The following POLR1C variants were observed in gnomAD, a reference collection of about 807,000 sequenced individuals.
POLR1C encodes the protein RNA polymerase I and III subunit C, also known as DNA-directed RNA polymerases I and III subunit RPAC1.
A neutral mutation model predicts 38.3 loss-of-function variants in POLR1C; 42 were observed. The ratio of observed to expected loss-of-function variants is 1.10; its 90% confidence interval spans 0.86 to 1.42. The LOEUF (loss-of-function observed/expected upper bound fraction) is 1.42, where lower values mean the gene tolerates loss of function less well. POLR1C is among the 40% of genes most tolerant of loss of function. The pLI is 0.00. For synonymous variants in POLR1C, 163 were observed against 163.9 expected, an observed-to-expected ratio of 0.99 and a Z score of 0.04; for missense variants, 507 against 450.5, an observed-to-expected ratio of 1.13 and a Z score of -1.14.
At position 43,520,078 on chromosome 6, in the gene POLR1C, G is replaced by A. The variant is rs201320592; in HGVS notation, c.395G>A (p.Gly132Asp). Residue 132 changes from glycine to aspartate, a missense_variant, in exon 5 of 9, where the codon GGC becomes GAC. Transcript: ENST00000642195. ...FEYRNQGDEE[G>D]TEIDTLQFRL... ...TCCATTTGTGCAGGAGATGAAGAAG[G>A]CACAGAGATAGATACTCTACAGTTT... is the stretch of plus-strand genomic sequence containing the variant. 383 of 1,614,168 alleles carry A rather than the reference G, an allele frequency of 2.4e-4. 1 individual carries two copies. Among genetic ancestry groups the A allele is most frequent in the Non-Finnish European group, 2.7e-4 (321 of 1,180,030 alleles).
At chr6:43,525,053 C>G (rs993931858), downstream of POLR1C, 1 of 1,576,862 alleles carries the variant, frequency 6.3e-7, no homozygotes, top group Non-Finnish European at 8.6e-7. Context: ...TTTAGTCAGT[C>G]TGCATGACCC....
downstream of POLR1C, chr6:43,534,055 GAA>G: frequency 6.9e-7 from 1 of 1,454,528 alleles, no homozygotes; most frequent in Non-Finnish European, 9.5e-7. Context: ...GATGCAGAAG[GAA>G]AGAGTGGGTT....
At chr6:43,558,817 C>T (rs1043481984) in intron 10 of POLR1C, 8 of 424,496 alleles carry the variant, frequency 1.9e-5, no homozygotes, top group Non-Finnish European at 2.9e-5. Context: ...ATACCATCCT[C>T]CAAGTTCCTC....
chr6:43,523,952 T>C (rs1455366535), downstream of POLR1C: 11 of 1,613,856 alleles, frequency 6.8e-6, no homozygotes, highest in Admixed American at 3.3e-5. Context: ...TTTTGAAAAG[T>C]GAGGGAAGAT....
At chr6:43,531,358 G>GT, downstream of POLR1C, 2 of 875,144 alleles carry the variant, frequency 2.3e-6, no homozygotes, top group Non-Finnish European at 3.6e-6. Context: ...AGAATGATAA[G>GT]TTTCCTATCA....
intron 9 of POLR1C, chr6:43,549,414 G>T: frequency 7.1e-7 from 1 of 1,405,354 alleles, no homozygotes; most frequent in Non-Finnish European, 9.7e-7. Context: ...TTCTTTATGT[G>T]AGGTACACTG....
At chr6:43,551,758 T>C (rs1795240225) in intron 10 of POLR1C, among the ~76,000 whole-genome samples, 1 of 152,184 alleles carries the variant, frequency 6.6e-6, no homozygotes, top group Non-Finnish European at 1.5e-5. Flanking sequence ...CTCAAACTCC[T>C]GGTTTCAAGT....
chr6:43,535,073 A>G (rs1794232454), intron 9 of POLR1C, among the ~76,000 whole-genome samples: 1 of 151,798 alleles, frequency 6.6e-6, no homozygotes. Flanking sequence ...TGGGTGGATC[A>G]CGAGGTCATG....
chr6:43,560,384 A>G (rs908935227), intron 10 of POLR1C: 1 of 1,448,578 alleles, frequency 6.9e-7, no homozygotes, highest in African/African-American at 1.4e-5. Flanking sequence ...TATCAACTAC[A>G]TTTTTTCATA....
At chr6:43,517,708 A>G (rs1176571041) in intron 2 of POLR1C, among the ~76,000 whole-genome samples, 1 of 152,124 alleles carries the variant, frequency 6.6e-6, no homozygotes, top group African/African-American at 2.4e-5. Flanking sequence ...TTAACATTTC[A>G]AGAGGAGGGT....
chr6:43,548,493 G>T (rs1474990618), intron 9 of POLR1C: 1 of 1,475,024 alleles, frequency 6.8e-7, no homozygotes, highest in Non-Finnish European at 9.1e-7. Flanking sequence ...GCCAGAGGTG[G>T]TAAAGGTCTG....
At chr6:43,542,021 C>T (rs1794721943) in intron 9 of POLR1C, among the ~76,000 whole-genome samples, 1 of 152,134 alleles carries the variant, frequency 6.6e-6, no homozygotes, top group South Asian at 2.1e-4. Flanking sequence ...CTCAAGTGAT[C>T]TGCCTAAGGC....
Position 43,520,630 on chromosome 6 carries a change from GA to G in POLR1C, c.662del (p.Asp221ValfsTer33). Reference protein sequence around the residue: ...LMHCVKGIGKDHAKFSPVATA... With the variant: ...LMHCVKGIGKXHAKFSPVATA... ...CGTTCCCTCTTCCTCTCCAGGCAAA[GA>G]TCATGCCAAGTTTTCACCAGTGGCA... On this transcript the variant is annotated frameshift_variant, in exon 7 of 9. Transcript: ENST00000642195. LOFTEE classifies it high-confidence loss of function. The G allele has an allele frequency of 5.0e-6, 8 of 1,614,182 alleles. No individual in the cohort carries two copies. The highest frequency in any genetic ancestry group is 6.8e-6 in the Non-Finnish European group (8 of 1,180,030).
chr6:43,528,707 GCC>G, intron 8 of POLR1C: 1 of 939,370 alleles, frequency 1.1e-6, no homozygotes, highest in Non-Finnish European at 1.7e-6. Flanking sequence ...TAGAAGCTCT[GCC>G]CAGCCAGTCT....
chr6:43,560,144 C>G (rs1762340721), intron 10 of POLR1C: 2 of 1,604,772 alleles, frequency 1.2e-6, no homozygotes. Context: ...GTGTATTCAC[C>G]TACATTCCAC....
intron 9 of POLR1C, among the ~76,000 whole-genome samples, chr6:43,537,665 TA>T (rs1246972234): frequency 6.6e-6 from 1 of 151,638 alleles, no homozygotes; most frequent in East Asian, 1.9e-4. Context: ...ATAACAAAAA[TA>T]AAGGAAAGTA....
exon 9 of POLR1C, chr6:43,529,377 CT>C (rs1198987899): frequency 2.5e-4 from 27 of 108,326 alleles, no homozygotes; most frequent in South Asian, 3.5e-4. Flanking sequence ...CCCGTCTCTA[CT>C]AAAAAAAAAA....
At chr6:43,527,026 T>C (rs948661008) in intron 8 of POLR1C, 1 of 364,594 alleles carries the variant, frequency 2.7e-6, no homozygotes, top group Non-Finnish European at 5.1e-6. Context: ...CTGGTCTACT[T>C]TGAATCTCAA....
At chr6:43,517,230 A>T in intron 1 of POLR1C, 52 bp downstream of exon 1, 1 of 1,609,122 alleles carries the variant, frequency 6.2e-7, no homozygotes, top group Non-Finnish European at 8.5e-7. Context: ...CGGAACAGGG[A>T]TGGGTCTTGG....
Sources: allele counts gnomAD v4.1 joint callset (sites outside exome capture counted in the v4.1 genomes callset), GRCh38; gene constraint gnomAD v4.1.1; transcripts MANE v1.5; gene names NCBI Gene and HGNC (gene_info 2026-07-23, HGNC 2026-07-21).